Variants in TENM1 observed in about 807,000 individuals in gnomAD.
The protein encoded by TENM1 is teneurin-1.
In TENM1, 35 loss-of-function variants were observed where a neutral mutation model predicts 174.8. The ratio of observed to expected loss-of-function variants is 0.20; its 90% CI spans 0.15 to 0.27. The LOEUF (loss-of-function observed/expected upper bound fraction) is 0.27. Among genes scored for constraint, TENM1 ranks in the 10% least tolerant of loss-of-function variants. TENM1 has a pLI of 1.00. For missense variants in TENM1, 1,633 were observed against 2,130.1 expected (o/e 0.77, Z 4.59); for synonymous variants, 781 against 798.7 (o/e 0.98, Z 0.37).
At chrX:124,774,275 A>C (rs930310485) in intron 3 of TENM1, among the ~76,000 whole-genome samples, 46 of 112,061 alleles carry the variant, frequency 4.1e-4, no homozygotes, top group African/African-American at 1.4e-3. Flanking sequence ...AAAGTTCAAT[A>C]GCAAATGAGG....
At chrX:124,831,576 G>A (rs1319882750) in intron 3 of TENM1, among the ~76,000 whole-genome samples, 2 of 111,738 alleles carry the variant, frequency 1.8e-5, no homozygotes, top group Admixed American at 9.5e-5. Context: ...GAAGAACTTC[G>A]GAATTATCTT....
chrX:125,178,062 T>C, the TENM1 span, among the ~76,000 whole-genome samples: 1 of 111,528 alleles, frequency 9.0e-6, no homozygotes, highest in African/African-American at 3.3e-5. Flanking sequence ...TATGGGTGGC[T>C]GTCCTATCCA....
intron 3 of TENM1, among the ~76,000 whole-genome samples, chrX:124,838,156 AG>A (rs1218980976): frequency 3.6e-5 from 4 of 112,339 alleles, no homozygotes; most frequent in African/African-American, 1.3e-4. Context: ...TGAAGCAGAA[AG>A]AAGACTAAGA....
the TENM1 span, among the ~76,000 whole-genome samples, chrX:125,159,958 G>C: frequency 4.5e-5 from 5 of 111,139 alleles, no homozygotes; most frequent in Non-Finnish European, 9.4e-5. Context: ...CTAGCGCTTT[G>C]GGAGGTGGAG....
rs756881043 is a variant in TENM1 at position 124,452,845 on chromosome X, A to T, written c.4104+492T>A. Among the ~76,000 whole-genome samples, 270 of 77,793 alleles carry T rather than the reference A, an allele frequency of 3.5e-3. 4 individuals are homozygous for T. The highest frequency in any genetic ancestry group is 0.013 in the African/African-American group (262 of 20,188). 67.6% of individuals were successfully genotyped at this position (77,793 alleles called of 115,157 possible). On this transcript the variant is annotated intron_variant, in intron 23 of 31. Coordinates refer to ENST00000422452, the Ensembl canonical transcript of TENM1. ...AACACTTGGACACAGGAAGGGGGAC[A>T]TCACTCACCCTGTTGTGGGGTGGGG...
chrX:125,055,795 G>A, the TENM1 span, among the ~76,000 whole-genome samples: 3 of 111,295 alleles, frequency 2.7e-5, no homozygotes, highest in South Asian at 1.1e-3. Context: ...GTGAATCGAC[G>A]TTGTGTTGCT....
intron 3 of TENM1, among the ~76,000 whole-genome samples, chrX:124,753,171 T>C (rs1270433285): frequency 6.4e-5 from 7 of 109,710 alleles, no homozygotes; most frequent in African/African-American, 2.3e-4. Flanking sequence ...CATTGAGCAG[T>C]GGTTTGTAGT....
At chrX:125,129,969 G>T in the TENM1 span, among the ~76,000 whole-genome samples, 3 of 110,943 alleles carry the variant, frequency 2.7e-5, no homozygotes, top group Non-Finnish European at 5.7e-5. Context: ...CCTAGGAGTG[G>T]GATTGCTGTA....
chrX:124,995,957 C>A, the TENM1 span, among the ~76,000 whole-genome samples: 7 of 110,673 alleles, frequency 6.3e-5, no homozygotes, highest in Non-Finnish European at 9.5e-5. Context: ...GGAAAAAAAA[C>A]CAAAGAGAAC....
chrX:125,028,260 A>G, the TENM1 span, among the ~76,000 whole-genome samples: 17 of 112,429 alleles, frequency 1.5e-4, no homozygotes, highest in Non-Finnish European at 3.0e-4. Context: ...TTTATATATT[A>G]ACAGAATGAA....
intron 25 of TENM1, among the ~76,000 whole-genome samples, chrX:124,414,295 G>A (rs1294275595): frequency 9.0e-6 from 1 of 111,731 alleles, no homozygotes. Flanking sequence ...GCAGTGACAC[G>A]ACTGATGCTT....
chrX:124,456,376 C>T lies in TENM1; in HGVS notation c.3950-2885G>A, dbSNP rs372474385. On this transcript the variant is annotated intron_variant, in intron 22 of 31. Coordinates refer to ENST00000422452, the Ensembl canonical transcript of TENM1. ...TGTGATAGGTGCTTCATAAATGTACCGAGCATATTTTATATGTACATATTT... is the reference window on the plus strand; with the variant it reads ...TGTGATAGGTGCTTCATAAATGTACTGAGCATATTTTATATGTACATATTT... Among the ~76,000 whole-genome samples, 6 of 111,632 alleles carry T rather than the reference C, an allele frequency of 5.4e-5. No individual in the cohort carries two copies. In the South Asian group the frequency reaches 1.9e-3, roughly 35 times the overall value.
chrX:124,886,728 G>GTT (rs74314491), intron 3 of TENM1, among the ~76,000 whole-genome samples: 5 of 77,865 alleles, frequency 6.4e-5, no homozygotes, highest in Non-Finnish European at 1.3e-4. Context: ...TGTAGTGAAG[G>GTT]TTTTTTTTTT....
chrX:125,178,612 A>G, the TENM1 span, among the ~76,000 whole-genome samples: 1 of 111,729 alleles, frequency 9.0e-6, no homozygotes, highest in Non-Finnish European at 1.9e-5. Flanking sequence ...ACTTACCCAC[A>G]TGGATATTCT....
chrX:124,515,168 A>G (rs1293754310), intron 18 of TENM1, among the ~76,000 whole-genome samples: 1 of 111,605 alleles, frequency 9.0e-6, no homozygotes, highest in Non-Finnish European at 1.9e-5. Context: ...AAAACTCTCT[A>G]TAATAAACTA....
chrX:125,094,809 T>C, the TENM1 span, among the ~76,000 whole-genome samples: 2 of 112,276 alleles, frequency 1.8e-5, no homozygotes, highest in Admixed American at 9.4e-5. Context: ...TTCTGAGAAA[T>C]ATGATTATTT....
chrX:124,770,962 C>T (rs1328444606), intron 3 of TENM1, among the ~76,000 whole-genome samples: 1 of 111,965 alleles, frequency 8.9e-6, no homozygotes, highest in Non-Finnish European at 1.9e-5. Flanking sequence ...GATATAAAGG[C>T]TGAACTCCAA....
intron 3 of TENM1, among the ~76,000 whole-genome samples, chrX:124,890,310 A>G (rs975721475): frequency 1.2e-4 from 13 of 111,603 alleles, no homozygotes; most frequent in African/African-American, 3.6e-4. Context: ...TGTGTAGCCA[A>G]ATGTAACTGC....
At chrX:125,162,079 GT>G in the TENM1 span, among the ~76,000 whole-genome samples, 1 of 111,212 alleles carries the variant, frequency 9.0e-6, no homozygotes, top group Non-Finnish European at 1.9e-5. Flanking sequence ...AATCAACTAG[GT>G]TTTTTTTCTG....
Sources: gnomAD v4.1 joint callset for allele counts (sites outside exome capture counted in the v4.1 genomes callset) on GRCh38, gnomAD v4.1.1 for gene constraint, MANE v1.5 for transcripts, NCBI Gene and HGNC (gene_info 2026-07-23, HGNC 2026-07-21) for gene names.